CLSTN2: variants seen among roughly 807,000 people sequenced by gnomAD.
The protein encoded by CLSTN2 is calsyntenin 2, also known as calsyntenin-2.
Under a neutral mutation model 101.2 loss-of-function variants are expected in CLSTN2, and 48 were observed. The ratio of observed to expected loss-of-function variants is 0.47; its 90% CI spans 0.38 to 0.60. The LOEUF (loss-of-function observed/expected upper bound fraction) is 0.60, where lower values mean the gene tolerates loss of function less well. CLSTN2 is among the 20% of genes least tolerant of loss of function. The pLI, the probability that CLSTN2 is intolerant of heterozygous loss-of-function variation, is 0.00. For missense variants in CLSTN2, 1,160 were observed against 1,238.2 expected, an observed-to-expected ratio of 0.94 and a Z score of 0.95; for synonymous variants, 481 against 463.6, an observed-to-expected ratio of 1.04 and a Z score of -0.48.
chr3:140,250,458 G>T (rs1367656284), intron 2 of CLSTN2, among the ~76,000 whole-genome samples: 2 of 152,196 alleles, frequency 1.3e-5, no homozygotes, highest in Non-Finnish European at 2.9e-5. Flanking sequence ...TCTTTTCAGG[G>T]TTGGGACTAA....
intron 1 of CLSTN2, among the ~76,000 whole-genome samples, chr3:140,021,804 C>T (rs2007322122): frequency 6.6e-6 from 1 of 152,160 alleles, no homozygotes. Context: ...GACAGGACTA[C>T]CCTATAAGGC....
intron 1 of CLSTN2, among the ~76,000 whole-genome samples, chr3:139,986,523 C>T (rs942697931): frequency 6.6e-6 from 1 of 152,100 alleles, no homozygotes; most frequent in African/African-American, 2.4e-5. Context: ...ACCCTTCTGC[C>T]CTCTTCTTGT....
chr3:140,194,633 T>C (rs1213218311), intron 2 of CLSTN2, among the ~76,000 whole-genome samples: 1 of 152,120 alleles, frequency 6.6e-6, no homozygotes, highest in Non-Finnish European at 1.5e-5. Flanking sequence ...TATTTAAACT[T>C]TCTGTTTTGG....
At chr3:140,350,140 G>T (rs2087590095) in intron 2 of CLSTN2, among the ~76,000 whole-genome samples, 1 of 152,210 alleles carries the variant, frequency 6.6e-6, no homozygotes, top group African/African-American at 2.4e-5. Flanking sequence ...TTGCCTTGTG[G>T]CAGATTAGAG....
rs559168602 is a variant in CLSTN2, at chr3:140,253,196, C to T, written c.232+77123C>T. Among the ~76,000 whole-genome samples the T allele has an allele frequency of 1.7e-4, 26 of 152,278 alleles. No individual in the cohort carries two copies. The South Asian group carries it at 5.2e-3, about 30-fold the overall frequency. On this transcript the variant is annotated intron_variant, in intron 2 of 16. Coordinates refer to ENST00000458420, the MANE Select transcript of CLSTN2 (RefSeq NM_022131.3). ...AGACAGATTCTAGGTTACAAAGTTACAGCTGCAAAGACTGAGTCAGCTAGT... is the reference window on the plus strand; with the variant it reads ...AGACAGATTCTAGGTTACAAAGTTATAGCTGCAAAGACTGAGTCAGCTAGT...
chr3:140,470,672 A>T (rs551450111), intron 8 of CLSTN2, among the ~76,000 whole-genome samples: 1 of 152,360 alleles, frequency 6.6e-6, no homozygotes, highest in Admixed American at 6.5e-5. Context: ...CATAATTGAA[A>T]CATCTACTAT....
At chr3:140,310,007 T>C (rs1184646350) in intron 2 of CLSTN2, among the ~76,000 whole-genome samples, 2 of 152,168 alleles carry the variant, frequency 1.3e-5, no homozygotes, top group East Asian at 1.9e-4. Context: ...GTCCTCCTTA[T>C]ATCAACCCAA....
intron 2 of CLSTN2, among the ~76,000 whole-genome samples, chr3:140,300,749 T>C (rs988839225): frequency 1.3e-5 from 2 of 152,142 alleles, no homozygotes; most frequent in African/African-American, 4.8e-5. Flanking sequence ...AAAGAACTTA[T>C]TTGTAGTAGA....
chr3:140,282,982 T>G (rs1181866149), intron 2 of CLSTN2, among the ~76,000 whole-genome samples: 1 of 152,142 alleles, frequency 6.6e-6, no homozygotes, highest in Non-Finnish European at 1.5e-5. Context: ...CTTTCTCAAC[T>G]AAAATTGAGC....
At chr3:140,382,247 T>C (rs2087993575) in intron 2 of CLSTN2, among the ~76,000 whole-genome samples, 1 of 152,244 alleles carries the variant, frequency 6.6e-6, no homozygotes, top group Non-Finnish European at 1.5e-5. Context: ...TTGCCTTTTC[T>C]ATTAGGCCTG....
intron 6 of CLSTN2, among the ~76,000 whole-genome samples, chr3:140,451,028 A>T (rs1199825184): frequency 6.6e-6 from 1 of 152,150 alleles, no homozygotes; most frequent in Non-Finnish European, 1.5e-5. Context: ...TCCATTCTGC[A>T]GCAGAGAAGC....
intron 1 of CLSTN2, among the ~76,000 whole-genome samples, chr3:140,102,355 A>T (rs1040780617): frequency 2.0e-5 from 3 of 152,214 alleles, no homozygotes; most frequent in African/African-American, 7.2e-5. Context: ...ATTTGGGGGC[A>T]AGAAGCCTGT....
At position 140,357,706 on chromosome 3, in the gene CLSTN2, C is replaced by T. The variant is rs577599677; in HGVS notation, c.233-45923C>T. 2.0e-4 allele frequency among the ~76,000 whole-genome samples: 30 copies of T among 152,262 alleles called. No homozygotes were observed. The South Asian group carries it at 5.6e-3, about 28-fold the overall frequency. ...ACTATCTGTCTCATTTTGTGTTTTT[C>T]TCAACATGCCTTTAGAATGAGATTC... On this transcript the variant is annotated intron_variant, in intron 2 of 16. Coordinates refer to ENST00000458420, the MANE Select transcript of CLSTN2 (RefSeq NM_022131.3).
chr3:140,417,120 T>C lies in CLSTN2; in HGVS notation c.638-4005T>C, dbSNP rs1048219492. ...TGCCAAATTTTCAATAGTTTTTCTG[T>C]AAAGTTTTTAAACAAAATTAGGGCC... is the stretch of plus-strand genomic sequence containing the variant. On this transcript the variant is annotated intron_variant, in intron 4 of 16. Coordinates refer to ENST00000458420, the MANE Select transcript of CLSTN2 (RefSeq NM_022131.3). Among the ~76,000 whole-genome samples the C allele has an allele frequency of 2.6e-5, 4 of 152,336 alleles. No homozygotes were observed. In the South Asian group the frequency reaches 8.3e-4, roughly 32 times the overall value.
rs149537184 is a variant in CLSTN2 at position 140,251,379 on chromosome 3, A to T, written c.232+75306A>T. 2.8e-3 allele frequency among the ~76,000 whole-genome samples: 425 copies of T among 152,312 alleles called. 1 individual carries two copies. The highest frequency in any genetic ancestry group is 9.5e-3 in the African/African-American group (394 of 41,580). On this transcript the variant is annotated intron_variant, in intron 2 of 16. Transcript: ENST00000458420. ...ATTTATTCAGTATCTGTTGCTATACATTGGTAATTTGCCTAGGTATTAAAC... is the reference window on the plus strand; with the variant it reads ...ATTTATTCAGTATCTGTTGCTATACTTTGGTAATTTGCCTAGGTATTAAAC...
At chr3:140,389,870 T>C (rs570569347) in intron 2 of CLSTN2, among the ~76,000 whole-genome samples, 4 of 152,364 alleles carry the variant, frequency 2.6e-5, no homozygotes, top group African/African-American at 9.6e-5. Context: ...TGCATTTCTC[T>C]AATGATCGAT....
intron 2 of CLSTN2, among the ~76,000 whole-genome samples, chr3:140,209,522 A>T (rs2010828897): frequency 6.6e-6 from 1 of 151,950 alleles, no homozygotes. Flanking sequence ...TGCTTTGGGG[A>T]GTGAAGGTTC....
rs1279645339 is a variant in CLSTN2, at chr3:140,575,024, C to G, written c.*8771C>G. 6.6e-6 allele frequency: 1 copy of G among 152,258 alleles called. No individual in the cohort carries two copies. Among genetic ancestry groups the G allele is most frequent in the African/African-American group, 2.4e-5 (1 of 41,452 alleles). 9.4% of individuals were successfully genotyped at this position (152,258 alleles called of 1,614,324 possible). Reference sequence around the variant, plus strand: ...CCTGGCCAATATAGAACACTCACATCTGGAGCCCACGCCCACCCACCTCCA... The same window carrying G: ...CCTGGCCAATATAGAACACTCACATGTGGAGCCCACGCCCACCCACCTCCA... On this transcript the variant is annotated 3_prime_UTR_variant, in exon 17 of 17. Coordinates refer to ENST00000458420, the MANE Select transcript of CLSTN2 (RefSeq NM_022131.3).
intron 2 of CLSTN2, among the ~76,000 whole-genome samples, chr3:140,208,021 C>T (rs1385224785): frequency 1.3e-5 from 2 of 151,758 alleles, no homozygotes; most frequent in Admixed American, 6.6e-5. Context: ...TAATAGTAAC[C>T]CATTGTCTGC....
Sources: gnomAD v4.1 joint callset for allele counts (sites outside exome capture counted in the v4.1 genomes callset) on GRCh38, gnomAD v4.1.1 for gene constraint, MANE v1.5 for transcripts, NCBI Gene and HGNC (gene_info 2026-07-23, HGNC 2026-07-21) for gene names.